The following CDC40 variants were observed in gnomAD, a reference collection of about 807,000 sequenced individuals.
The protein encoded by CDC40 is pre-mRNA-processing factor 17.
Under a neutral mutation model 80.6 loss-of-function variants are expected in CDC40, and 27 were observed. The ratio of observed to expected loss-of-function variants is 0.33; its 90% confidence interval spans 0.25 to 0.46. The LOEUF (loss-of-function observed/expected upper bound fraction) is 0.46, where lower values mean the gene tolerates loss of function less well. Ranked by LOEUF, CDC40 falls within the 20% of genes least tolerant of loss-of-function variation. CDC40 has a pLI of 1.00. For synonymous variants in CDC40, 221 were observed against 232.6 expected, an observed-to-expected ratio of 0.95 and a Z score of 0.45; for missense variants, 486 against 694.1, an observed-to-expected ratio of 0.70 and a Z score of 3.37.
At chr6:110,228,777 G>A (rs926420610) in intron 13 of CDC40, 55 bp from the exon 14 acceptor site, 6 of 1,394,536 alleles carry the variant, frequency 4.3e-6, no homozygotes, top group Non-Finnish European at 4.8e-6. Context: ...AAAATAAAAA[G>A]TTTTAAAAAT....
intron 3 of CDC40, among the ~76,000 whole-genome samples, chr6:110,207,023 A>G (rs951709198): frequency 2.0e-5 from 3 of 152,176 alleles, no homozygotes; most frequent in Non-Finnish European, 2.9e-5. Context: ...AAATAGAAAT[A>G]TAGCTCAGGG....
At position 110,212,292 on chromosome 6, in the gene CDC40, C is replaced by G; in HGVS notation, c.867+20C>G. 6.2e-7 allele frequency: 1 copy of G among 1,612,172 alleles called. No individual in the cohort carries two copies. The highest frequency in any genetic ancestry group is 1.7e-5 in the Admixed American group (1 of 59,842). On this transcript the variant is annotated intron_variant, in intron 7 of 14. Transcript: ENST00000307731. ...ACAAAGGTAAGCAAGTTGGTTGTTT[C>G]TGTTTGCTGTAATGTTATAATAATG...
At chr6:110,189,902 A>C (rs914493802) in intron 1 of CDC40, among the ~76,000 whole-genome samples, 2 of 152,182 alleles carry the variant, frequency 1.3e-5, no homozygotes, top group African/African-American at 4.8e-5. Flanking sequence ...CTGGCTTTCC[A>C]TAGTCCTTAC....
chr6:110,216,970 T>A (rs1016913590), intron 9 of CDC40, among the ~76,000 whole-genome samples: 1 of 152,056 alleles, frequency 6.6e-6, no homozygotes, highest in Admixed American at 6.6e-5. Context: ...AGCCAGGCGT[T>A]GTGGTGTGCA....
At chr6:110,228,092 C>G (rs1562208850) in intron 13 of CDC40, among the ~76,000 whole-genome samples, 1 of 152,056 alleles carries the variant, frequency 6.6e-6, no homozygotes, top group Non-Finnish European at 1.5e-5. Flanking sequence ...TAGGCTTTAC[C>G]CCTGTATGGC....
rs567594568 is a variant in CDC40 at position 110,180,609 on chromosome 6, C to T, written c.165C>T (p.Asp55=). ...SSKPSLAVAV[D]SAPEVAVKED... ...AGCCGTCTCTAGCAGTGGCAGTGGACTCGGCTCCGGAGGTGGCAGTTAAGG... is the reference window on the plus strand; with the variant it reads ...AGCCGTCTCTAGCAGTGGCAGTGGATTCGGCTCCGGAGGTGGCAGTTAAGG... The change falls in exon 1 of 15, where the codon GAC becomes GAT. Residue 55 remains aspartate (D), a synonymous_variant. Coordinates refer to ENST00000307731, the MANE Select transcript of CDC40 (RefSeq NM_015891.3). 196 of 1,613,674 alleles carry T rather than the reference C, an allele frequency of 1.2e-4. No homozygotes were observed. Among genetic ancestry groups the T allele is most frequent in the Admixed American group, 6.7e-5 (4 of 60,030 alleles).
At chr6:110,195,202 C>T (rs1224006108) in intron 2 of CDC40, among the ~76,000 whole-genome samples, 1 of 152,168 alleles carries the variant, frequency 6.6e-6, no homozygotes, top group Non-Finnish European at 1.5e-5. Flanking sequence ...AGGAACTTCA[C>T]CAGTTTAAAT....
chr6:110,205,594 C>T (rs148680195), intron 3 of CDC40, among the ~76,000 whole-genome samples: 11 of 152,286 alleles, frequency 7.2e-5, no homozygotes, highest in African/African-American at 2.6e-4. Context: ...TTCTGAGTAA[C>T]AAGACAGTGG....
At chr6:110,207,690 C>T in intron 4 of CDC40, 101 bp downstream of exon 4, 1 of 608,116 alleles carries the variant, frequency 1.6e-6, no homozygotes, top group African/African-American at 1.9e-5. Flanking sequence ...GTATTTAGCG[C>T]TTTTTTTTTT....
At chr6:110,212,906 A>G (rs1404138585) in intron 7 of CDC40, among the ~76,000 whole-genome samples, 180 bp from the exon 8 acceptor site, 2 of 152,182 alleles carry the variant, frequency 1.3e-5, no homozygotes, top group Non-Finnish European at 2.9e-5. Flanking sequence ...AAATCTTCAA[A>G]AGCTTAGTGT....
At chr6:110,229,194 A>G (rs1326908939) in intron 14 of CDC40, among the ~76,000 whole-genome samples, 1 of 152,156 alleles carries the variant, frequency 6.6e-6, no homozygotes, top group Non-Finnish European at 1.5e-5. Context: ...ATTCCCTTCT[A>G]TTACTTAGGC....
At position 110,222,878 on chromosome 6, in the gene CDC40, A is replaced by C. The variant is rs9481046; in HGVS notation, c.1340+3009A>C. ...ATTATCAATGATGTTACACTGATTG[A>C]GCTCTTTCTATATGCCAGTCACTAT... On this transcript the variant is annotated intron_variant, in intron 12 of 14. Transcript: ENST00000307731. Among the ~76,000 whole-genome samples, 801 of 152,292 alleles carry C rather than the reference A, an allele frequency of 5.3e-3. 5 individuals carry two copies. Among genetic ancestry groups the C allele is most frequent in the African/African-American group, 0.018 (761 of 41,572 alleles).
intron 14 of CDC40, among the ~76,000 whole-genome samples, chr6:110,229,703 C>T (rs993713074): frequency 6.6e-6 from 1 of 152,106 alleles, no homozygotes; most frequent in Non-Finnish European, 1.5e-5. Context: ...ACCTCATTCA[C>T]TGTGGCTCCT....
chr6:110,182,182 G>T (rs1428670737), intron 1 of CDC40, among the ~76,000 whole-genome samples: 1 of 152,164 alleles, frequency 6.6e-6, no homozygotes, highest in Non-Finnish European at 1.5e-5. Context: ...CTGTAAAGTA[G>T]GAATAACAGT....
intron 1 of CDC40, among the ~76,000 whole-genome samples, chr6:110,182,487 C>A (rs1777211006): frequency 6.6e-6 from 1 of 152,212 alleles, no homozygotes. Context: ...ACAATCCACC[C>A]ACTAGTTGAA....
At chr6:110,206,565 T>C (rs2114660820) in intron 3 of CDC40, among the ~76,000 whole-genome samples, 1 of 152,356 alleles carries the variant, frequency 6.6e-6, no homozygotes, top group East Asian at 1.9e-4. Context: ...AGCTACATAC[T>C]TTATAATTAG....
intron 1 of CDC40, among the ~76,000 whole-genome samples, chr6:110,192,021 T>C (rs1404150150): frequency 1.3e-5 from 2 of 152,194 alleles, no homozygotes; most frequent in Non-Finnish European, 2.9e-5. Flanking sequence ...CCTGTAAAAC[T>C]ACTCTAGGGA....
At chr6:110,213,377 T>G (rs1019044092) in intron 8 of CDC40, among the ~76,000 whole-genome samples, 1 of 151,216 alleles carries the variant, frequency 6.6e-6, no homozygotes. Context: ...TGTTGTTGTT[T>G]TTGTTTTTTG....
At chr6:110,215,809 T>C (rs1777692823) in intron 9 of CDC40, among the ~76,000 whole-genome samples, 1 of 152,176 alleles carries the variant, frequency 6.6e-6, no homozygotes, top group Non-Finnish European at 1.5e-5. Flanking sequence ...GGGAAATTAA[T>C]TACACAGTTA....
Sources: allele counts gnomAD v4.1 joint callset (sites outside exome capture counted in the v4.1 genomes callset), GRCh38; gene constraint gnomAD v4.1.1; transcripts MANE v1.5; gene names NCBI Gene and HGNC (gene_info 2026-07-23, HGNC 2026-07-21).